The following MMRN2 variants were observed in gnomAD, a reference collection of about 807,000 sequenced individuals.
The protein encoded by MMRN2 is multimerin 2, also known as multimerin-2.
A neutral mutation model predicts 68.8 loss-of-function variants in MMRN2; 53 were observed. The observed-to-expected ratio is 0.77, with a 90% CI of 0.62 to 0.97. The LOEUF is 0.97. Ranked by LOEUF, MMRN2 falls within the 50% of genes least tolerant of loss-of-function variation. The probability of loss-of-function intolerance (pLI) is 0.00; values close to 1 mark genes in which losing one functional copy is unlikely to be tolerated. For missense variants in MMRN2, 1,266 were observed against 1,259.5 expected (o/e 1.01, Z -0.08); for synonymous variants, 564 against 551.6 (o/e 1.02, Z -0.32).
intron 1 of MMRN2, among the ~76,000 whole-genome samples, chr10:86,952,043 GA>G (rs1844151447): frequency 6.6e-6 from 1 of 151,896 alleles, no homozygotes; most frequent in East Asian, 1.9e-4. Flanking sequence ...TGTCTCAAAA[GA>G]AAAAAAGAAA....
chr10:86,949,373 C>T (rs958863999), intron 1 of MMRN2: 8 of 152,050 alleles, frequency 5.3e-5, no homozygotes, highest in African/African-American at 1.7e-4. Flanking sequence ...ACCTGATGAG[C>T]AGTGGTTTGA....
intron 4 of MMRN2, 68 bp downstream of exon 4, chr10:86,945,119 GA>G: frequency 2.8e-6 from 4 of 1,425,038 alleles, no homozygotes; most frequent in Non-Finnish European, 9.8e-7. Flanking sequence ...TGTATCACAG[GA>G]AAAAGGGCCA....
At chr10:86,956,442 CT>C (rs1174907523) in intron 1 of MMRN2, among the ~76,000 whole-genome samples, 4 of 152,250 alleles carry the variant, frequency 2.6e-5, no homozygotes, top group East Asian at 1.9e-4. Context: ...TGGCCCCCCC[CT>C]CACTCCCTAA....
At position 86,942,795 on chromosome 10, in the gene MMRN2, C is replaced by A. The variant is rs749202708; in HGVS notation, c.1989G>T (p.Thr663=). Residue 663 remains threonine, a synonymous_variant, in exon 6 of 7, where the codon ACG becomes ACT. Transcript: ENST00000372027. ...LGWDELAARV[T]ALEQASEPPR... ...GGGGCTCCGAGGCCTGCTCCAGGGC[C>A]GTCACTCGGGCGGCCAGCTCGTCCC... is the stretch of plus-strand genomic sequence containing the variant. The A allele has an allele frequency of 5.9e-6, 8 of 1,359,676 alleles. No homozygotes were observed. The highest frequency in any genetic ancestry group is 3.2e-5 in the East Asian group (1 of 31,284). The allele number at this position is 1,359,676 out of a possible 1,614,324, so 84.2% of individuals were successfully genotyped here.
Position 86,942,709 on chromosome 10 carries a change from G to A in MMRN2, c.2075C>T (p.Thr692Ile), listed in dbSNP as rs1216789846. ...HDAGREEAAT[T>I]ALAGLARELQ... is the part of the protein sequence containing the mutation. ...CTCCCGCGCCAGCCCGGCCAGGGCGGTGGTGGCGGCCTCCTCGCGGCCCGC... is the reference window on the plus strand; with the variant it reads ...CTCCCGCGCCAGCCCGGCCAGGGCGATGGTGGCGGCCTCCTCGCGGCCCGC... The change falls in exon 6 of 7, where the codon ACC (threonine) becomes ATC (isoleucine). Residue 692 changes from threonine (T) to isoleucine (I), a missense_variant. Thr to Ile is a moderately conservative substitution (Grantham distance 89, BLOSUM62 -1). Coordinates refer to ENST00000372027, the MANE Select transcript of MMRN2 (RefSeq NM_024756.3). The A allele has an allele frequency of 6.0e-6, 9 of 1,509,838 alleles. No individual in the cohort carries two copies. Among genetic ancestry groups the A allele is most frequent in the Non-Finnish European group, 7.9e-6 (9 of 1,137,974 alleles). The allele number at this position is 1,509,838 out of a possible 1,614,324, so 93.5% of individuals were successfully genotyped here. A position where few individuals can be genotyped will look rare whatever the true frequency, so the allele number is the denominator to read the frequency against.
intron 1 of MMRN2, among the ~76,000 whole-genome samples, chr10:86,955,500 T>C (rs1844209450): frequency 6.6e-6 from 1 of 152,160 alleles, no homozygotes; most frequent in African/African-American, 2.4e-5. Flanking sequence ...AGCCTAGCCC[T>C]GGGGCTCTGG....
intron 1 of MMRN2, among the ~76,000 whole-genome samples, 186 bp downstream of exon 1, chr10:86,957,192 A>C (rs1844248970): frequency 6.6e-6 from 1 of 152,146 alleles, no homozygotes; most frequent in Admixed American, 6.5e-5. Context: ...ACTCCCTGCA[A>C]TTCTTAGGTG....
Position 86,937,035 on chromosome 10 carries a change from C to T in MMRN2, c.2558G>A (p.Ser853Asn). 1.2e-6 allele frequency: 2 copies of T among 1,614,250 alleles called. No individual in the cohort carries two copies. Among genetic ancestry groups the T allele is most frequent in the Non-Finnish European group, 1.7e-6 (2 of 1,180,046 alleles). ...GTAGCCATGTTCAGGGAAGTAGCTG[C>T]TGCCAATGTTGATGTATGTGGTGTT... The part of the protein sequence containing the change: ...KFNTTYINIG[S>N]SYFPEHGYFR... The change falls in exon 7 of 7, where the codon AGC becomes AAC. Residue 853 changes from serine to asparagine, a missense_variant. By Grantham distance (46) the Ser-to-Asn change is conservative (BLOSUM62 1). Transcript: ENST00000372027.
At chr10:86,952,242 C>T (rs945836499) in intron 1 of MMRN2, among the ~76,000 whole-genome samples, 11 of 151,994 alleles carry the variant, frequency 7.2e-5, no homozygotes, top group African/African-American at 2.2e-4. Flanking sequence ...GGACACCTCA[C>T]GATAAGGATG....
At chr10:86,952,538 T>C (rs1844159491) in intron 1 of MMRN2, among the ~76,000 whole-genome samples, 1 of 152,176 alleles carries the variant, frequency 6.6e-6, no homozygotes, top group Non-Finnish European at 1.5e-5. Flanking sequence ...CACCTATCGG[T>C]AGGACTGTGA....
intron 1 of MMRN2, among the ~76,000 whole-genome samples, chr10:86,952,414 C>A (rs1037584070): frequency 1.3e-5 from 2 of 152,178 alleles, no homozygotes; most frequent in African/African-American, 4.8e-5. Context: ...GGAACCCACT[C>A]CCAATATTTC....
At chr10:86,950,220 T>A (rs757933141) in intron 1 of MMRN2, among the ~76,000 whole-genome samples, 2 of 148,934 alleles carry the variant, frequency 1.3e-5, no homozygotes, top group Non-Finnish European at 3.0e-5. Context: ...ATCTCCTAAT[T>A]ATCCTAGCTA....
chr10:86,947,355 G>C (rs992917362), intron 1 of MMRN2, among the ~76,000 whole-genome samples: 10 of 152,006 alleles, frequency 6.6e-5, no homozygotes, highest in African/African-American at 2.2e-4. Flanking sequence ...GAAAGGCAGG[G>C]GCGGGGGATT....
At position 86,957,425 on chromosome 10, in the gene MMRN2, C is replaced by T; in HGVS notation, c.117G>A (p.Gly39=). 1 of 1,613,764 alleles carries T rather than the reference C, an allele frequency of 6.2e-7. No homozygotes were observed. The change falls in exon 1 of 7, where the codon GGG becomes GGA. Residue 39 remains glycine (G), a synonymous_variant. Coordinates refer to ENST00000372027, the MANE Select transcript of MMRN2 (RefSeq NM_024756.3). ...TGTCCTCAGCCTCTGCCTTCCAGAC[C>T]CCAGGTGTCCTGGAGCTCTGCAGAT... ...LSDLQSSRTP[G]VWKAEAEDTG...
intron 6 of MMRN2, among the ~76,000 whole-genome samples, chr10:86,937,529 C>T (rs1843898845): frequency 6.6e-6 from 1 of 151,776 alleles, no homozygotes; most frequent in Admixed American, 6.6e-5. Flanking sequence ...TCAAGTGATC[C>T]TCCAGCCTCA....
chr10:86,940,257 G>T (rs1488626525), intron 6 of MMRN2, among the ~76,000 whole-genome samples: 2 of 152,086 alleles, frequency 1.3e-5, no homozygotes, highest in Non-Finnish European at 2.9e-5. Flanking sequence ...TGATCCACCC[G>T]CCTCGGCCTC....
Position 86,944,431 on chromosome 10 carries a change from G to A in MMRN2, c.486C>T (p.His162=). ...CAACCTCATTGATCACTGCAGCAAG[G>A]TGGCCTAAATACACAGCAGACATAA... ...QDGPVSFKPG[H]LAAVINEVEV... is the part of the protein sequence containing the mutation. Residue 162 remains histidine (H), a synonymous_variant, in exon 5 of 7, where the codon CAC becomes CAT. Transcript: ENST00000372027. 6.2e-7 allele frequency: 1 copy of A among 1,613,606 alleles called. No individual in the cohort carries two copies.
chr10:86,957,210 A>T (rs1844249228), intron 1 of MMRN2, among the ~76,000 whole-genome samples, 168 bp downstream of exon 1: 1 of 152,212 alleles, frequency 6.6e-6, no homozygotes. Flanking sequence ...GTGGATCCTG[A>T]AACACCCAGT....
intron 6 of MMRN2, among the ~76,000 whole-genome samples, chr10:86,939,825 G>T (rs1323172778): frequency 2.2e-5 from 3 of 135,410 alleles, no homozygotes; most frequent in Admixed American, 7.1e-5. Flanking sequence ...GTGTGTGTGT[G>T]TGTGTGTGTG....
Sources: allele counts gnomAD v4.1 joint callset (sites outside exome capture counted in the v4.1 genomes callset), GRCh38; gene constraint gnomAD v4.1.1; transcripts MANE v1.5; gene names NCBI Gene and HGNC (gene_info 2026-07-23, HGNC 2026-07-21).